Variants in PM20D2 observed in about 807,000 individuals in gnomAD.
PM20D2 encodes xaa-Arg dipeptidase.
Under a neutral mutation model 42.9 loss-of-function variants are expected in PM20D2, and 33 were observed. The ratio of observed to expected loss-of-function variants is 0.77; its 90% confidence interval spans 0.58 to 1.03. PM20D2 has a LOEUF of 1.03. Among genes scored for constraint, PM20D2 ranks in the 50% least tolerant of loss-of-function variants. The pLI is 0.00. For synonymous variants in PM20D2, 250 were observed against 228.2 expected, an observed-to-expected ratio of 1.10 and a Z score of -0.86; for missense variants, 548 against 557.0, an observed-to-expected ratio of 0.98 and a Z score of 0.16.
At chr6:89,133,376 A>G in the PM20D2 span, among the ~76,000 whole-genome samples, 1 of 151,294 alleles carries the variant, frequency 6.6e-6, no homozygotes, top group African/African-American at 2.5e-5. Flanking sequence ...ACATAAGTAT[A>G]GATATTGTTT....
At chr6:89,111,229 C>T in the PM20D2 span, among the ~76,000 whole-genome samples, 1 of 152,132 alleles carries the variant, frequency 6.6e-6, no homozygotes, top group African/African-American at 2.4e-5. Flanking sequence ...GTGCCTCAAC[C>T]TCCCAAGTAG....
At chr6:89,122,449 T>C in the PM20D2 span, among the ~76,000 whole-genome samples, 1 of 152,202 alleles carries the variant, frequency 6.6e-6, no homozygotes, top group African/African-American at 2.4e-5. Flanking sequence ...TCTAAAGCAA[T>C]CTGATAGAGT....
chr6:89,115,697 C>T, the PM20D2 span, among the ~76,000 whole-genome samples: 3 of 145,216 alleles, frequency 2.1e-5, no homozygotes, highest in Non-Finnish European at 4.5e-5. Flanking sequence ...AGTGCAGTGG[C>T]GCGATGTTGG....
At chr6:89,145,320 A>G (rs542804282), upstream of PM20D2, among the ~76,000 whole-genome samples, 2 of 152,252 alleles carry the variant, frequency 1.3e-5, no homozygotes, top group African/African-American at 4.8e-5. Flanking sequence ...TTCAGCATCA[A>G]TTAAAATTAT....
At chr6:89,147,680 G>A (rs1770641032) in intron 1 of PM20D2, among the ~76,000 whole-genome samples, 1 of 151,386 alleles carries the variant, frequency 6.6e-6, no homozygotes, top group African/African-American at 2.4e-5. Context: ...TCTGGAGTTC[G>A]AGACCCGCCT....
At chr6:89,100,331 A>G in the PM20D2 span, among the ~76,000 whole-genome samples, 2 of 152,218 alleles carry the variant, frequency 1.3e-5, no homozygotes, top group Non-Finnish European at 2.9e-5. Flanking sequence ...AAGGGCTACA[A>G]TCTAGAGGTA....
In PM20D2 at chr6:89,146,541, G is replaced by C. The variant is rs1255572901; in HGVS notation, c.397G>C (p.Gly133Arg). Reference protein sequence around the residue: ...ACGHNLIAEVGAAAALGVRGA... With the variant: ...ACGHNLIAEVRAAAALGVRGA... ...CGGCCACAACCTCATCGCTGAGGTC[G>C]GGGCGGCGGCCGCGCTGGGCGTGAG... Residue 133 changes from glycine (G) to arginine (R), a missense_variant, in exon 1 of 7, where the codon GGG becomes CGG. Gly to Arg is a moderately radical substitution (Grantham distance 125, BLOSUM62 -2). This residue lies in a region of PM20D2 where 470 missense variants were observed against 464.4 expected (regional missense o/e 1.01). Coordinates refer to ENST00000275072, the MANE Select transcript of PM20D2 (RefSeq NM_001010853.3). 4 of 1,501,158 alleles carry C rather than the reference G, an allele frequency of 2.7e-6. No individual in the cohort carries two copies. The highest frequency in any genetic ancestry group is 2.1e-5 in the Admixed American group (1 of 46,870). 93.0% of individuals were successfully genotyped at this position (1,501,158 alleles called of 1,614,324 possible). A position where few individuals can be genotyped will look rare whatever the true frequency, so the allele number is the denominator to read the frequency against.
the PM20D2 span, chr6:89,105,664 G>C: frequency 1.8e-6 from 1 of 567,052 alleles, no homozygotes. Context: ...AATATAATAT[G>C]AATAATCAGA....
At chr6:89,098,838 A>T in the PM20D2 span, 2 of 1,613,970 alleles carry the variant, frequency 1.2e-6, no homozygotes, top group Non-Finnish European at 8.5e-7. Flanking sequence ...CGTCCTCTAG[A>T]GCCAAAATTC....
the PM20D2 span, chr6:89,117,691 GGCGCAGCCTGGGCCCGCGGGGAGGCTCC>G: frequency 2.3e-6 from 2 of 878,778 alleles, no homozygotes; most frequent in Non-Finnish European, 3.2e-6. Flanking sequence ...CTCCCCAAGT[GGCGCAGCCTGGGCCCGCGGGGAGGCTCC>G]GCGCAGCTCC....
In PM20D2 at chr6:89,162,410, T is replaced by C; in HGVS notation, c.*147T>C. ...GAGGACAGGGTGTGGAGAAAACATATTAATTACCTCATATCTAAAGTGAAA... is the reference window on the plus strand; with the variant it reads ...GAGGACAGGGTGTGGAGAAAACATACTAATTACCTCATATCTAAAGTGAAA... On this transcript the variant is annotated 3_prime_UTR_variant, in exon 7 of 7. Transcript: ENST00000275072. The C allele has an allele frequency of 1.2e-6, 1 of 816,918 alleles. No individual in the cohort carries two copies. The highest frequency in any genetic ancestry group is 2.2e-5 in the South Asian group (1 of 45,354). 50.6% of individuals were successfully genotyped at this position (816,918 alleles called of 1,614,324 possible).
At chr6:89,118,039 C>T in the PM20D2 span, 7 of 640,476 alleles carry the variant, frequency 1.1e-5, no homozygotes, top group Non-Finnish European at 1.4e-5. Flanking sequence ...CCGCAGAGGC[C>T]GGCGCAGAGG....
chr6:89,107,350 G>A, the PM20D2 span: 9 of 896,624 alleles, frequency 1.0e-5, no homozygotes, highest in African/African-American at 1.2e-4. Context: ...TCAAAAGAAA[G>A]AACATCATCT....
the PM20D2 span, chr6:89,105,059 A>AT: frequency 6.7e-7 from 1 of 1,487,670 alleles, no homozygotes; most frequent in Non-Finnish European, 9.0e-7. Context: ...CTATCAAAAA[A>AT]ATATATATCT....
the PM20D2 span, among the ~76,000 whole-genome samples, chr6:89,139,195 AATAG>A: frequency 6.6e-6 from 1 of 152,080 alleles, no homozygotes; most frequent in South Asian, 2.1e-4. Context: ...GATCCTCCCT[AATAG>A]ATAGGACTAC....
chr6:89,132,794 C>T, the PM20D2 span, among the ~76,000 whole-genome samples: 66 of 150,520 alleles, frequency 4.4e-4, 2 homozygotes, highest in African/African-American at 1.6e-3. Flanking sequence ...GCCGAGATTG[C>T]GTCACTGCAC....
intron 1 of PM20D2, among the ~76,000 whole-genome samples, chr6:89,147,130 T>G (rs1309022073): frequency 6.6e-6 from 1 of 152,198 alleles, no homozygotes; most frequent in Non-Finnish European, 1.5e-5. Context: ...ACCAGACCCC[T>G]AGAAGTATAC....
chr6:89,153,293 A>G (rs1770916625), intron 3 of PM20D2, 108 bp downstream of exon 3: 4 of 827,644 alleles, frequency 4.8e-6, no homozygotes, highest in Non-Finnish European at 6.6e-6. Flanking sequence ...TTTGTACTTC[A>G]TATGAATATT....
chr6:89,158,024 T>A (rs565140859), intron 4 of PM20D2, among the ~76,000 whole-genome samples: 1 of 151,996 alleles, frequency 6.6e-6, no homozygotes, highest in African/African-American at 2.4e-5. Flanking sequence ...AAATAAAAAT[T>A]TCTGGGCCCT....
Sources: allele counts gnomAD v4.1 joint callset (sites outside exome capture counted in the v4.1 genomes callset), GRCh38; gene constraint gnomAD v4.1.1; regional missense constraint gnomAD v4.1.1; transcripts MANE v1.5; gene names NCBI Gene and HGNC (gene_info 2026-07-23, HGNC 2026-07-21).